RALGPS1: variants seen among roughly 807,000 people sequenced by gnomAD.
The protein encoded by RALGPS1 is Ral GEF with PH domain and SH3 binding motif 1.
In RALGPS1, 19 loss-of-function variants were observed where a neutral mutation model predicts 78.8. The observed-to-expected ratio is 0.24, with a 90% CI of 0.17 to 0.35. The LOEUF (loss-of-function observed/expected upper bound fraction) is 0.35. Ranked by LOEUF, RALGPS1 falls within the 10% of genes least tolerant of loss-of-function variation. The pLI is 1.00. For synonymous variants in RALGPS1, 228 were observed against 256.3 expected (o/e 0.89, Z 1.06); for missense variants, 454 against 688.3 (o/e 0.66, Z 3.81).
chr9:127,166,439 T>G (rs555056059), intron 9 of RALGPS1, among the ~76,000 whole-genome samples: 3 of 152,216 alleles, frequency 2.0e-5, no homozygotes, highest in African/African-American at 7.2e-5. Context: ...GAAAACAGTT[T>G]AGTCACTTGT....
At chr9:126,998,045 T>TAACAAAACA (rs1195530870) in intron 4 of RALGPS1, among the ~76,000 whole-genome samples, 3 of 152,152 alleles carry the variant, frequency 2.0e-5, no homozygotes, top group Non-Finnish European at 2.9e-5. Context: ...ACTTAAATGT[T>TAACAAAACA]AGACCTAAAA....
intron 14 of RALGPS1, among the ~76,000 whole-genome samples, chr9:127,200,036 T>C (rs997191234): frequency 6.6e-6 from 1 of 152,176 alleles, no homozygotes; most frequent in African/African-American, 2.4e-5. Context: ...ACACATGTGC[T>C]TGTGTATACA....
At chr9:126,988,376 T>G (rs1159073942) in intron 4 of RALGPS1, among the ~76,000 whole-genome samples, 1 of 152,132 alleles carries the variant, frequency 6.6e-6, no homozygotes, top group African/African-American at 2.4e-5. Context: ...TTGAGCTTTA[T>G]CTTGTTAGCC....
chr9:127,191,690 GTTTT>G (rs898476778), intron 11 of RALGPS1, among the ~76,000 whole-genome samples: 1 of 111,588 alleles, frequency 9.0e-6, no homozygotes, highest in African/African-American at 3.1e-5. Context: ...TGTTTTTTGG[GTTTT>G]TTTTTGTTTT....
At chr9:127,210,603 T>C in intron 14 of RALGPS1, 1 of 946,962 alleles carries the variant, frequency 1.1e-6, no homozygotes, top group Non-Finnish European at 1.6e-6. Flanking sequence ...CTTCCTGAGC[T>C]AATTGACTAT....
intron 7 of RALGPS1, among the ~76,000 whole-genome samples, chr9:127,066,542 G>A (rs1171979988): frequency 2.0e-5 from 3 of 152,300 alleles, no homozygotes; most frequent in Non-Finnish European, 1.5e-5. Context: ...TTGGGAGGCT[G>A]AGACACGATA....
intron 8 of RALGPS1, among the ~76,000 whole-genome samples, chr9:127,153,237 G>A (rs1244122477): frequency 6.6e-6 from 1 of 152,144 alleles, no homozygotes; most frequent in Non-Finnish European, 1.5e-5. Flanking sequence ...CAGGGCAGGG[G>A]GAGAGCAGAT....
At chr9:127,080,208 T>A (rs924102754) in intron 8 of RALGPS1, among the ~76,000 whole-genome samples, 10 of 152,218 alleles carry the variant, frequency 6.6e-5, no homozygotes, top group African/African-American at 2.4e-4. Context: ...TGTTCCCTGA[T>A]GGAGTATACA....
At chr9:126,994,064 C>G (rs1308437960) in intron 4 of RALGPS1, among the ~76,000 whole-genome samples, 1 of 152,056 alleles carries the variant, frequency 6.6e-6, no homozygotes, top group Non-Finnish European at 1.5e-5. Context: ...GTAGATAAAA[C>G]CACAAAGATG....
chr9:127,130,793 C>T (rs894083916), intron 8 of RALGPS1, among the ~76,000 whole-genome samples: 1 of 152,198 alleles, frequency 6.6e-6, no homozygotes, highest in Non-Finnish European at 1.5e-5. Flanking sequence ...CAGGGTCACA[C>T]AATGGGCCAG....
At chr9:127,132,860 A>G (rs1215341612) in intron 8 of RALGPS1, among the ~76,000 whole-genome samples, 1 of 152,184 alleles carries the variant, frequency 6.6e-6, no homozygotes, top group Non-Finnish European at 1.5e-5. Flanking sequence ...ATCATCATCA[A>G]CATCTTCATC....
intron 1 of RALGPS1, among the ~76,000 whole-genome samples, chr9:126,959,698 C>T (rs1377813045): frequency 2.0e-5 from 3 of 151,856 alleles, no homozygotes; most frequent in Non-Finnish European, 2.9e-5. Flanking sequence ...ATTCAGCCAT[C>T]GTTATCATGC....
intron 8 of RALGPS1, among the ~76,000 whole-genome samples, chr9:127,129,855 C>G (rs936286000): frequency 3.9e-4 from 59 of 152,350 alleles, no homozygotes; most frequent in African/African-American, 1.4e-3. Flanking sequence ...AGGCCTGCAA[C>G]CCTGGAGGGC....
chr9:127,187,605 C>T (rs892687076), intron 11 of RALGPS1, among the ~76,000 whole-genome samples: 19 of 152,112 alleles, frequency 1.2e-4, no homozygotes, highest in Non-Finnish European at 2.6e-4. Context: ...CACTCCAAAC[C>T]GCAAGGGAGG....
At chr9:127,195,025 C>A in intron 11 of RALGPS1, 66 bp from the exon 12 acceptor site, 1 of 1,585,368 alleles carries the variant, frequency 6.3e-7, no homozygotes, top group Non-Finnish European at 8.6e-7. Flanking sequence ...CACCTCAACC[C>A]AGCCTGTGCA....
intron 10 of RALGPS1, among the ~76,000 whole-genome samples, chr9:127,170,044 T>G (rs934684313): frequency 6.6e-6 from 1 of 152,270 alleles, no homozygotes; most frequent in African/African-American, 2.4e-5. Context: ...CCATGATTCC[T>G]TGGAATCTTG....
At chr9:127,201,610 G>A (rs890490917) in intron 14 of RALGPS1, among the ~76,000 whole-genome samples, 1 of 152,194 alleles carries the variant, frequency 6.6e-6, no homozygotes, top group Non-Finnish European at 1.5e-5. Context: ...AATCTTCATT[G>A]CCTGTGGCTC....
intron 11 of RALGPS1, among the ~76,000 whole-genome samples, chr9:127,193,325 G>A (rs2061178065): frequency 6.6e-6 from 1 of 152,230 alleles, no homozygotes; most frequent in Non-Finnish European, 1.5e-5. Flanking sequence ...GGGTCTTGGA[G>A]TTGCCCGGGG....
intron 14 of RALGPS1, among the ~76,000 whole-genome samples, chr9:127,204,238 C>T (rs1371584266): frequency 2.0e-5 from 3 of 152,104 alleles, no homozygotes; most frequent in Non-Finnish European, 2.9e-5. Context: ...ACTGTCATAG[C>T]TCACTGCAGC....
Sources: allele counts gnomAD v4.1 joint callset (sites outside exome capture counted in the v4.1 genomes callset), GRCh38; gene constraint gnomAD v4.1.1; transcripts MANE v1.5; gene names NCBI Gene and HGNC (gene_info 2026-07-23, HGNC 2026-07-21).